Variants in ZSCAN21 observed in about 807,000 individuals in gnomAD.
The protein encoded by ZSCAN21 is zinc finger and SCAN domain-containing protein 21.
Under a neutral mutation model 35.6 loss-of-function variants are expected in ZSCAN21, and 26 were observed. That is an observed-to-expected ratio of 0.73 (90% CI 0.54 to 1.01). The LOEUF (loss-of-function observed/expected upper bound fraction) is 1.01, where lower values mean the gene tolerates loss of function less well. Ranked by LOEUF, ZSCAN21 falls within the 50% of genes least tolerant of loss-of-function variation. The pLI is 0.00. For synonymous variants in ZSCAN21, 219 were observed against 219.3 expected (o/e 1.00, Z 0.01); for missense variants, 593 against 587.1 (o/e 1.01, Z -0.10).
Position 100,057,016 on chromosome 7 carries a change from A to G in ZSCAN21, c.10A>G (p.Lys4Glu). ...TGTTTCTGGAGTTTACATGATGACC[A>G]AGGTACTAGGCATGGCCCCAGTTCT... MMT[K>E]VLGMAPVLGP... The change falls in exon 2 of 4, where the codon AAG (lysine) becomes GAG (glutamate). Residue 4 changes from lysine (K) to glutamate (E), a missense_variant. Transcript: ENST00000292450. 1 of 1,598,734 alleles carries G rather than the reference A, an allele frequency of 6.3e-7. No individual in the cohort carries two copies. The highest frequency in any genetic ancestry group is 8.5e-7 in the Non-Finnish European group (1 of 1,171,652).
chr7:100,057,433 A>G (rs1792118774), intron 2 of ZSCAN21, 28 bp downstream of exon 2: 1 of 1,515,350 alleles, frequency 6.6e-7, no homozygotes. Flanking sequence ...TTGTTATTCT[A>G]GGAGATTGGG....
chr7:100,053,548 T>TAGC (rs1562843624), intron 1 of ZSCAN21, among the ~76,000 whole-genome samples: 1 of 139,842 alleles, frequency 7.2e-6, no homozygotes, highest in Admixed American at 7.0e-5. Context: ...CATACATAAT[T>TAGC]TTTTTTTTTT....
At chr7:100,063,722 C>T (rs1007581243) in intron 3 of ZSCAN21, 66 bp from the exon 4 acceptor site, 63 of 1,470,686 alleles carry the variant, frequency 4.3e-5, no homozygotes, top group Non-Finnish European at 5.8e-5. Flanking sequence ...TTCTATCTCT[C>T]TGGTAACAGT....
intron 3 of ZSCAN21, 86 bp from the exon 4 acceptor site, chr7:100,063,702 C>T (rs1407548870): frequency 9.4e-6 from 12 of 1,280,960 alleles, no homozygotes; most frequent in Non-Finnish European, 1.1e-5. Context: ...CCATCAGTCT[C>T]ACCTGATGGT....
At position 100,064,704 on chromosome 7, in the gene ZSCAN21, T is replaced by G; in HGVS notation, c.*87T>G. 2 of 1,607,550 alleles carry G rather than the reference T, an allele frequency of 1.2e-6. No individual in the cohort carries two copies. The highest frequency in any genetic ancestry group is 1.7e-6 in the Non-Finnish European group (2 of 1,175,666). On this transcript the variant is annotated 3_prime_UTR_variant, in exon 4 of 4. Coordinates refer to ENST00000292450, the MANE Select transcript of ZSCAN21 (RefSeq NM_145914.3). Reference sequence around the variant, plus strand: ...GTCTTGTCATTGCAGCAGCATCGATTCCGGTGATAGAGTTTGTATCACTCA... The same window carrying G: ...GTCTTGTCATTGCAGCAGCATCGATGCCGGTGATAGAGTTTGTATCACTCA...
intron 2 of ZSCAN21, 35 bp downstream of exon 2, chr7:100,057,440 T>G: frequency 2.0e-6 from 3 of 1,510,944 alleles, no homozygotes; most frequent in South Asian, 2.7e-5. Flanking sequence ...TCTAGGAGAT[T>G]GGGAGCGTAA....
chr7:100,064,956 T>C lies in ZSCAN21; in HGVS notation c.*339T>C. ...TTAAGATTGTTTAATTTTTAACATA[T>C]ATTCAAGAATTTTAATTTGTAAAGA... On this transcript the variant is annotated 3_prime_UTR_variant, in exon 4 of 4. Coordinates refer to ENST00000292450, the MANE Select transcript of ZSCAN21 (RefSeq NM_145914.3). The C allele has an allele frequency of 6.2e-7, 1 of 1,605,454 alleles. No homozygotes were observed. Among genetic ancestry groups the C allele is most frequent in the Non-Finnish European group, 8.5e-7 (1 of 1,174,614 alleles).
At position 100,060,609 on chromosome 7, in the gene ZSCAN21, G is replaced by A. The variant is rs1401378808; in HGVS notation, c.592+2719G>A. ...TGGCTGGGCATGGTGGCTCACGCCTGTAATCCCAACACTTCGGGAGGCTGA... is the reference window on the plus strand; with the variant it reads ...TGGCTGGGCATGGTGGCTCACGCCTATAATCCCAACACTTCGGGAGGCTGA... On this transcript the variant is annotated intron_variant, in intron 3 of 3. Coordinates refer to ENST00000292450, the MANE Select transcript of ZSCAN21 (RefSeq NM_145914.3). Among the ~76,000 whole-genome samples the A allele has an allele frequency of 2.0e-5, 3 of 151,362 alleles. No homozygotes were observed. The East Asian group carries it at 5.8e-4, about 29-fold the overall frequency.
At chr7:100,055,224 G>A (rs1358357050) in intron 1 of ZSCAN21, among the ~76,000 whole-genome samples, 1 of 150,864 alleles carries the variant, frequency 6.6e-6, no homozygotes, top group Non-Finnish European at 1.5e-5. Context: ...TCAAAGTGCT[G>A]GGATTACAGA....
chr7:100,058,378 C>T (rs1457010551), intron 3 of ZSCAN21, among the ~76,000 whole-genome samples: 12 of 152,204 alleles, frequency 7.9e-5, no homozygotes, highest in Non-Finnish European at 2.9e-5. Context: ...GAGGAGAAAA[C>T]GGAATAAATA....
intron 3 of ZSCAN21, among the ~76,000 whole-genome samples, chr7:100,060,431 A>G (rs980854350): frequency 2.0e-5 from 3 of 152,142 alleles, no homozygotes; most frequent in Admixed American, 1.3e-4. Flanking sequence ...GCGTGGTGGC[A>G]TGCACCTGTA....
intron 1 of ZSCAN21, among the ~76,000 whole-genome samples, chr7:100,052,444 T>A (rs1791913748): frequency 6.6e-6 from 1 of 151,190 alleles, no homozygotes; most frequent in Non-Finnish European, 1.5e-5. Context: ...AATAAAAAAA[T>A]TAAATTAAAA....
In ZSCAN21 at chr7:100,060,195, C is replaced by T. The variant is rs190570486; in HGVS notation, c.592+2305C>T. On this transcript the variant is annotated intron_variant, in intron 3 of 3. Coordinates refer to ENST00000292450, the MANE Select transcript of ZSCAN21 (RefSeq NM_145914.3). The stretch of plus-strand genomic sequence containing the variant: ...ATGCTACTTAGAAAGATCAAGGTGG[C>T]AGGCATTGGACATCAGTGTGGGATC... Among the ~76,000 whole-genome samples the T allele has an allele frequency of 6.6e-5, 10 of 152,296 alleles. No individual in the cohort carries two copies. The East Asian group carries it at 1.7e-3, about 26-fold the overall frequency.
In ZSCAN21 at chr7:100,064,538, A is replaced by T. The variant is rs1354535290; in HGVS notation, c.1343A>T (p.His448Leu). ...HTGEKPYWCH[H>L]CGKTFCSKSN... ...GGGGAAAAGCCCTACTGGTGTCATC[A>T]CTGTGGAAAGACCTTCTGTAGCAAG... is the stretch of plus-strand genomic sequence containing the variant. The change falls in exon 4 of 4, where the codon CAC (histidine) becomes CTC (leucine). Residue 448 changes from histidine to leucine, a missense_variant. Physicochemically the swap from His to Leu is moderately conservative, Grantham distance 99 (BLOSUM62 -3). Coordinates refer to ENST00000292450, the MANE Select transcript of ZSCAN21 (RefSeq NM_145914.3). The T allele has an allele frequency of 1.9e-6, 3 of 1,614,196 alleles. No individual in the cohort carries two copies. The highest frequency in any genetic ancestry group is 2.5e-6 in the Non-Finnish European group (3 of 1,180,048).
At chr7:100,051,282 C>CTTTGTTTTTTTTTTTTTTTTT (rs1791863760) in intron 1 of ZSCAN21, among the ~76,000 whole-genome samples, 1 of 34,948 alleles carries the variant, frequency 2.9e-5, no homozygotes, top group Non-Finnish European at 5.2e-5. Context: ...TAGGGATTTT[C>CTTTGTTTTTTTTTTTTTTTTT]TTTTTTTTTT....
rs1440065800 is a variant in ZSCAN21 at position 100,064,713 on chromosome 7, A to G, written c.*96A>G. On this transcript the variant is annotated 3_prime_UTR_variant, in exon 4 of 4. Transcript: ENST00000292450. ...TTGCAGCAGCATCGATTCCGGTGAT[A>G]GAGTTTGTATCACTCAACATCAGGG... 6.2e-7 allele frequency: 1 copy of G among 1,608,752 alleles called. No homozygotes were observed. Among genetic ancestry groups the G allele is most frequent in the Non-Finnish European group, 8.5e-7 (1 of 1,176,494 alleles).
At chr7:100,063,095 A>T (rs1312592780) in intron 3 of ZSCAN21, among the ~76,000 whole-genome samples, 1 of 152,092 alleles carries the variant, frequency 6.6e-6, no homozygotes, top group African/African-American at 2.4e-5. Flanking sequence ...GGGTCTCCCT[A>T]TGTTGCCCAA....
In ZSCAN21 at chr7:100,064,432, G is replaced by T; in HGVS notation, c.1237G>T (p.Glu413Ter). 1 of 1,614,078 alleles carries T rather than the reference G, an allele frequency of 6.2e-7. No homozygotes were observed. Among genetic ancestry groups the T allele is most frequent in the African/African-American group, 1.3e-5 (1 of 75,016 alleles). ...CTCCCACCAGAGACTCCACACCGGAGAGAAGCCATATAAGTGTAAGGAGTG... is the reference window on the plus strand; with the variant it reads ...CTCCCACCAGAGACTCCACACCGGATAGAAGCCATATAAGTGTAAGGAGTG... The part of the protein sequence containing the change: ...LSSHQRLHTG[E>*]KPYKCKECGK... The change falls in exon 4 of 4, where the codon GAG (glutamate) becomes TAG (stop). Residue 413 changes from glutamate (E) to a stop codon, truncating the protein, a stop_gained. Transcript: ENST00000292450. LOFTEE classifies it high-confidence loss of function.
intron 3 of ZSCAN21, among the ~76,000 whole-genome samples, chr7:100,061,512 ACT>A: frequency 6.6e-6 from 1 of 152,260 alleles, no homozygotes. Context: ...ACAGAGCCAG[ACT>A]CTATCTCAAA....
Sources: gnomAD v4.1 joint callset for allele counts (sites outside exome capture counted in the v4.1 genomes callset) on GRCh38, gnomAD v4.1.1 for gene constraint, MANE v1.5 for transcripts, NCBI Gene and HGNC (gene_info 2026-07-23, HGNC 2026-07-21) for gene names.